Variants in MOV10 observed in about 807,000 individuals in gnomAD.
MOV10 encodes the protein Mov10 RNA helicase.
In MOV10, 39 loss-of-function variants were observed where a neutral mutation model predicts 108.4. The observed-to-expected ratio is 0.36, with a 90% CI of 0.28 to 0.47. The LOEUF (loss-of-function observed/expected upper bound fraction) is 0.47, where lower values mean the gene tolerates loss of function less well. Ranked by LOEUF, MOV10 falls within the 20% of genes least tolerant of loss-of-function variation. The probability of loss-of-function intolerance (pLI) is 1.00; values close to 1 mark genes in which losing one functional copy is unlikely to be tolerated. For missense variants in MOV10, 952 were observed against 1,297.6 expected (o/e 0.73, Z 4.09); for synonymous variants, 490 against 523.1 (o/e 0.94, Z 0.86).
chr1:112,695,553 C>A lies in MOV10; in HGVS notation c.1758C>A (p.Arg586=), dbSNP rs866383994. The A allele has an allele frequency of 8.1e-6, 13 of 1,614,072 alleles. No individual in the cohort carries two copies. In the Middle Eastern group the frequency reaches 2.1e-3, roughly 266 times the overall value. ...YRLLAPSRDI[R]MVPEDIKPCC... ...TCCTGGCCCCCAGCAGGGACATCCG[C>A]ATGGTACCTGAGGACATCAAGGTAC... The change falls in exon 11 of 21, where the codon CGC becomes CGA. Residue 586 remains arginine, a synonymous_variant. Coordinates refer to ENST00000369645, the MANE Select transcript of MOV10 (RefSeq NM_001321324.2).
At chr1:112,695,357 C>T (rs1445206329) in intron 10 of MOV10, 59 bp from the exon 11 acceptor site, 2 of 1,572,960 alleles carry the variant, frequency 1.3e-6, no homozygotes, top group South Asian at 1.2e-5. Flanking sequence ...CCTGCCCCAG[C>T]CTGGGTACGG....
chr1:112,675,175 T>C lies in MOV10; in HGVS notation c.137+126T>C, dbSNP rs1672086689. 1 of 1,125,368 alleles carries C rather than the reference T, an allele frequency of 8.9e-7. No individual in the cohort carries two copies. The highest frequency in any genetic ancestry group is 1.2e-6 in the Non-Finnish European group (1 of 829,608). The allele number at this position is 1,125,368 out of a possible 1,614,324, so 69.7% of individuals were successfully genotyped here. A position where few individuals can be genotyped will look rare whatever the true frequency, so the allele number is the denominator to read the frequency against. Reference sequence around the variant, plus strand: ...CAGCTCCCCCAGCGGCTCAGGCCAGTCCCGGGGCGGCGCAGACCTCCCCTC... The same window carrying C: ...CAGCTCCCCCAGCGGCTCAGGCCAGCCCCGGGGCGGCGCAGACCTCCCCTC... On this transcript the variant is annotated intron_variant, in intron 2 of 20. Coordinates refer to ENST00000369645, the MANE Select transcript of MOV10 (RefSeq NM_001321324.2). The surrounding 1 kb of genome is among the most constrained non-coding windows in gnomAD (Gnocchi z 4.7).
chr1:112,690,734 A>G (rs939366830), intron 5 of MOV10, among the ~76,000 whole-genome samples: 4 of 152,126 alleles, frequency 2.6e-5, no homozygotes, highest in African/African-American at 7.2e-5. Context: ...AAATTACACA[A>G]TTCAGTAATT....
In MOV10 at chr1:112,698,727, C is replaced by G. The variant is rs867755838; in HGVS notation, c.2521C>G (p.Arg841Gly). 7.4e-6 allele frequency: 12 copies of G among 1,613,964 alleles called. No individual in the cohort carries two copies. Among genetic ancestry groups the G allele is most frequent in the Non-Finnish European group, 9.3e-6 (11 of 1,179,942 alleles). ...SPYRKQVEKI[R>G]YCITKLDREL... is the part of the protein sequence containing the mutation. ...CCCCTCCTTCCAGGTGGAGAAAATCCGTTACTGCATCACCAAACTTGACAG... is the reference window on the plus strand; with the variant it reads ...CCCCTCCTTCCAGGTGGAGAAAATCGGTTACTGCATCACCAAACTTGACAG... Residue 841 changes from arginine (R) to glycine (G), a missense_variant, in exon 17 of 21, where the codon CGT (arginine) becomes GGT (glycine). Physicochemically the swap from Arg to Gly is moderately radical, Grantham distance 125. Transcript: ENST00000369645.
chr1:112,681,594 T>C (rs1318100198), intron 2 of MOV10, among the ~76,000 whole-genome samples: 5 of 152,058 alleles, frequency 3.3e-5, no homozygotes, highest in Non-Finnish European at 5.9e-5. Context: ...ATTGTTGGGA[T>C]TTTTTCCCCA....
chr1:112,695,390 C>T, intron 10 of MOV10, 26 bp from the exon 11 acceptor site: 1 of 1,610,532 alleles, frequency 6.2e-7, no homozygotes. Context: ...AACCTGCCTC[C>T]CACACTGCGC....
chr1:112,695,522 A>C lies in MOV10; in HGVS notation c.1727A>C (p.Tyr576Ser), dbSNP rs1488330238. 3.7e-6 allele frequency: 6 copies of C among 1,614,090 alleles called. No homozygotes were observed. Among genetic ancestry groups the C allele is most frequent in the Non-Finnish European group, 5.1e-6 (6 of 1,180,018 alleles). Residue 576 changes from tyrosine to serine, a missense_variant, in exon 11 of 21, where the codon TAC becomes TCC. Around this residue, in one of 5 missense-constraint regions of MOV10, gnomAD observed 453 missense variants for 611.5 expected, o/e 0.74. Transcript: ENST00000369645. ...RLRVHLPSSIYRLLAPSRDIR... is the reference protein window; with the variant it reads ...RLRVHLPSSISRLLAPSRDIR... ...CGGGTCCACCTTCCTAGCTCCATCT[A>C]CCGCCTCCTGGCCCCCAGCAGGGAC...
chr1:112,697,082 G>C (rs1674171710), intron 14 of MOV10, among the ~76,000 whole-genome samples: 1 of 152,172 alleles, frequency 6.6e-6, no homozygotes, highest in African/African-American at 2.4e-5. Context: ...TTAGGGGGTG[G>C]TCAGTGGTTC....
At chr1:112,686,577 T>G (rs1026670823) in intron 2 of MOV10, among the ~76,000 whole-genome samples, 15 of 152,182 alleles carry the variant, frequency 9.9e-5, no homozygotes, top group Admixed American at 5.9e-4. Flanking sequence ...TCCCTAATAC[T>G]AGGCTGTAAC....
intron 12 of MOV10, 89 bp from the exon 13 acceptor site, chr1:112,696,348 G>C (rs1674088156): frequency 1.4e-6 from 2 of 1,422,794 alleles, no homozygotes; most frequent in Non-Finnish European, 2.0e-6. Flanking sequence ...GAGTGGGGTG[G>C]TGGGTGCTGA....
intron 16 of MOV10, 86 bp from the exon 17 acceptor site, chr1:112,698,629 G>A: frequency 1.3e-6 from 2 of 1,498,306 alleles, no homozygotes; most frequent in Non-Finnish European, 1.9e-6. Context: ...GCCTCCCTTT[G>A]TTCCCCAGCT....
At chr1:112,698,821 T>C (rs774851517) in intron 17 of MOV10, 32 bp downstream of exon 17, 2 of 1,587,564 alleles carry the variant, frequency 1.3e-6, no homozygotes, top group South Asian at 2.2e-5. Context: ...ACTCCCTGCC[T>C]TCCGTGTGCC....
At chr1:112,693,874 G>A (rs1673820037) in intron 7 of MOV10, 144 bp from the exon 8 acceptor site, 2 of 629,906 alleles carry the variant, frequency 3.2e-6, no homozygotes, top group Non-Finnish European at 5.5e-6. Context: ...AGGAAAGAGG[G>A]GTGCAGGGAT....
rs1570778879 is a variant in MOV10 at position 112,689,296 on chromosome 1, TGA to T, written c.342-117_342-116del. The T allele has an allele frequency of 1.7e-5, 21 of 1,216,678 alleles. No homozygotes were observed. The East Asian group carries it at 5.2e-4, about 30-fold the overall frequency. The allele number at this position is 1,216,678 out of a possible 1,614,324, so 75.4% of individuals were successfully genotyped here. On this transcript the variant is annotated intron_variant, in intron 3 of 20. Transcript: ENST00000369645. ...AGGGAACTGGTCTGCTGGGAGGGGG[TGA>T]GTTTCCTAAGCACAGCTGGCACTTT...
At chr1:112,696,315 GA>G in intron 12 of MOV10, 64 bp downstream of exon 12, 1 of 1,449,518 alleles carries the variant, frequency 6.9e-7, no homozygotes, top group Non-Finnish European at 9.7e-7. Flanking sequence ...CCGGGCTGGG[GA>G]AATGGGGAAG....
intron 3 of MOV10, 134 bp from the exon 4 acceptor site, chr1:112,689,281 T>A: frequency 8.2e-7 from 1 of 1,214,392 alleles, no homozygotes; most frequent in Non-Finnish European, 1.2e-6. Context: ...AGGGAACTGG[T>A]CTGCTGGGAG....
rs558698371 is a variant in MOV10, at chr1:112,689,317, G to A, written c.342-98G>A. ...GGGGTGAGTTTCCTAAGCACAGCTG[G>A]CACTTTGCCTGCCTCCCAAGCCTAA... On this transcript the variant is annotated intron_variant, in intron 3 of 20. Transcript: ENST00000369645. The A allele has an allele frequency of 4.8e-3, 6,214 of 1,293,200 alleles. 18 individuals carry two copies. The highest frequency in any genetic ancestry group is 6.0e-3 in the Non-Finnish European group (5,520 of 917,144). The allele number at this position is 1,293,200 out of a possible 1,614,324, so 80.1% of individuals were successfully genotyped here. A position where few individuals can be genotyped will look rare whatever the true frequency, so the allele number is the denominator to read the frequency against.
At chr1:112,691,398 T>C (rs1673573338) in intron 5 of MOV10, among the ~76,000 whole-genome samples, 1 of 152,242 alleles carries the variant, frequency 6.6e-6, no homozygotes, top group Admixed American at 6.5e-5. Flanking sequence ...TAACATTGGT[T>C]ATTCCTGGAT....
intron 2 of MOV10, among the ~76,000 whole-genome samples, chr1:112,686,750 C>T (rs1227878480): frequency 6.6e-6 from 1 of 152,188 alleles, no homozygotes; most frequent in African/African-American, 2.4e-5. Flanking sequence ...TCCTAGAAGC[C>T]AGGCCATTGA....
Sources: allele counts gnomAD v4.1 joint callset (sites outside exome capture counted in the v4.1 genomes callset), GRCh38; gene constraint gnomAD v4.1.1; regional missense constraint gnomAD v4.1.1; non-coding constraint Gnocchi (gnomAD v3.1); transcripts MANE v1.5; gene names NCBI Gene and HGNC (gene_info 2026-07-23, HGNC 2026-07-21).